Variants in NOS1AP observed in about 807,000 individuals in gnomAD.
NOS1AP encodes the protein nitric oxide synthase 1 adaptor protein, also known as carboxyl-terminal PDZ ligand of neuronal nitric oxide synthase protein.
In NOS1AP, 21 loss-of-function variants were observed where a neutral mutation model predicts 56.2. The observed-to-expected ratio is 0.37, with a 90% CI of 0.26 to 0.54. The LOEUF is 0.54. Ranked by LOEUF, NOS1AP falls within the 20% of genes least tolerant of loss-of-function variation. The pLI, the probability that NOS1AP is intolerant of heterozygous loss-of-function variation, is 0.84. For synonymous variants in NOS1AP, 270 were observed against 274.6 expected, an observed-to-expected ratio of 0.98 and a Z score of 0.17; for missense variants, 522 against 657.8, an observed-to-expected ratio of 0.79 and a Z score of 2.26.
In NOS1AP at chr1:162,138,069, A is replaced by G. The variant is rs796232157; in HGVS notation, c.106-16336A>G. ...CATTGACACCTTTTTTTAAAAATGC[A>G]TAATCTGTTGATTTGGTAAATAACT... On this transcript the variant is annotated intron_variant, in intron 1 of 9. Transcript: ENST00000361897. Among the ~76,000 whole-genome samples, 13 of 152,358 alleles carry G rather than the reference A, an allele frequency of 8.5e-5. No homozygotes were observed. In the South Asian group the frequency reaches 1.0e-3, roughly 12 times the overall value.
intron 2 of NOS1AP, among the ~76,000 whole-genome samples, chr1:162,278,289 G>A (rs529181343): frequency 6.6e-6 from 1 of 152,236 alleles, no homozygotes; most frequent in East Asian, 1.9e-4. Flanking sequence ...CCAATACCCT[G>A]GCTTCACAGA....
chr1:162,191,108 G>A (rs976871400), intron 2 of NOS1AP, among the ~76,000 whole-genome samples: 2 of 152,116 alleles, frequency 1.3e-5, no homozygotes, highest in African/African-American at 4.8e-5. Flanking sequence ...GTCCACCACC[G>A]TCTAACACCC....
chr1:162,299,069 G>C (rs1655559643), intron 3 of NOS1AP, among the ~76,000 whole-genome samples: 1 of 152,178 alleles, frequency 6.6e-6, no homozygotes, highest in African/African-American at 2.4e-5. Context: ...ATATTTTGCT[G>C]TTTGAAGGAC....
intron 2 of NOS1AP, among the ~76,000 whole-genome samples, chr1:162,281,470 A>G (rs1011725200): frequency 6.6e-6 from 1 of 152,178 alleles, no homozygotes; most frequent in African/African-American, 2.4e-5. Flanking sequence ...TAATCAACCA[A>G]TCAACAGTGA....
chr1:162,294,047 C>T, intron 3 of NOS1AP, among the ~76,000 whole-genome samples: 1 of 151,992 alleles, frequency 6.6e-6, no homozygotes, highest in East Asian at 1.9e-4. Flanking sequence ...AAGCAGATGC[C>T]AAGACAGTGT....
intron 1 of NOS1AP, among the ~76,000 whole-genome samples, chr1:162,132,808 T>A (rs1359891001): frequency 6.6e-6 from 1 of 152,204 alleles, no homozygotes; most frequent in African/African-American, 2.4e-5. Flanking sequence ...CTCCTTCAGT[T>A]TTCCCCAGTT....
At chr1:162,162,897 T>C (rs1373162305) in intron 2 of NOS1AP, among the ~76,000 whole-genome samples, 2 of 152,072 alleles carry the variant, frequency 1.3e-5, no homozygotes, top group Non-Finnish European at 2.9e-5. Context: ...CCACAATCAA[T>C]TTTCAAACAT....
chr1:162,097,207 C>G (rs142207039), intron 1 of NOS1AP, among the ~76,000 whole-genome samples: 37 of 151,400 alleles, frequency 2.4e-4, no homozygotes, highest in Non-Finnish European at 5.3e-4. Context: ...GTTTTTCCCT[C>G]TTATGCGATT....
At chr1:162,338,186 C>A (rs951499596) in intron 5 of NOS1AP, among the ~76,000 whole-genome samples, 2 of 152,086 alleles carry the variant, frequency 1.3e-5, no homozygotes, top group East Asian at 3.9e-4. Context: ...TCATGGACTT[C>A]AGTTCTCTAA....
At chr1:162,324,865 G>A (rs557138244) in intron 4 of NOS1AP, among the ~76,000 whole-genome samples, 1 of 152,250 alleles carries the variant, frequency 6.6e-6, no homozygotes, top group South Asian at 2.1e-4. Flanking sequence ...GTCTCTCCCA[G>A]CCCTGGAATC....
chr1:162,284,910 C>T (rs74125817), intron 2 of NOS1AP, among the ~76,000 whole-genome samples: 1,563 of 152,274 alleles, frequency 0.01, 20 homozygotes, highest in African/African-American at 0.036. Flanking sequence ...CTACAACATT[C>T]TTCCAGAAAT....
chr1:162,297,409 G>A (rs1655499842), intron 3 of NOS1AP, among the ~76,000 whole-genome samples: 1 of 152,226 alleles, frequency 6.6e-6, no homozygotes, highest in Admixed American at 6.5e-5. Flanking sequence ...ATGCTGAGGT[G>A]GGCCCTGGCC....
At chr1:162,351,947 G>T (rs1657511149) in intron 6 of NOS1AP, among the ~76,000 whole-genome samples, 1 of 152,150 alleles carries the variant, frequency 6.6e-6, no homozygotes, top group African/African-American at 2.4e-5. Flanking sequence ...TCTCTGTAGT[G>T]CTCAGCCCCG....
intron 2 of NOS1AP, among the ~76,000 whole-genome samples, chr1:162,168,946 C>T (rs1202144931): frequency 6.6e-6 from 1 of 152,214 alleles, no homozygotes; most frequent in Non-Finnish European, 1.5e-5. Context: ...GTTGGGTTGG[C>T]TCTGCCTGGC....
intron 6 of NOS1AP, among the ~76,000 whole-genome samples, chr1:162,353,863 G>A (rs1396678991): frequency 1.3e-5 from 2 of 152,200 alleles, no homozygotes; most frequent in Non-Finnish European, 2.9e-5. Flanking sequence ...GGTGCAGGCT[G>A]TGGTAGAAAG....
rs1463885272 is a variant in NOS1AP at position 162,367,295 on chromosome 1, G to A, written c.1349G>A (p.Gly450Asp). The A allele has an allele frequency of 7.4e-6, 12 of 1,613,306 alleles. No individual in the cohort carries two copies. Among genetic ancestry groups the A allele is most frequent in the Non-Finnish European group, 1.0e-5 (12 of 1,179,944 alleles). ...PPPAQGEALL[G>D]GLELIKFRES... ...CCAGCGCAGGGCGAGGCGCTCCTGG[G>A]CGGTCTGGAGCTCATCAAGTTCCGA... The change falls in exon 10 of 10, where the codon GGC becomes GAC. Residue 450 changes from glycine to aspartate, a missense_variant. Transcript: ENST00000361897. The surrounding 1 kb of genome is among the most constrained non-coding windows in gnomAD (Gnocchi z 6.5).
intron 2 of NOS1AP, among the ~76,000 whole-genome samples, chr1:162,212,549 C>A (rs981569982): frequency 1.4e-4 from 22 of 152,114 alleles, no homozygotes; most frequent in African/African-American, 5.3e-4. Context: ...ACCCCGCTGC[C>A]CACCCCAGTC....
chr1:162,077,905 T>G (rs1691805365), intron 1 of NOS1AP, among the ~76,000 whole-genome samples: 1 of 152,180 alleles, frequency 6.6e-6, no homozygotes, highest in African/African-American at 2.4e-5. Flanking sequence ...CCCTGGCCAC[T>G]TCCTTCCAAC....
intron 2 of NOS1AP, among the ~76,000 whole-genome samples, chr1:162,164,667 G>C (rs6427655): frequency 0.98 from 149,508 of 152,346 alleles, 73,419 homozygotes; most frequent in East Asian, 1. Context: ...TAAGGTACAT[G>C]CATGCTGTGG....
Sources: gnomAD v4.1 joint callset for allele counts (sites outside exome capture counted in the v4.1 genomes callset) on GRCh38, gnomAD v4.1.1 for gene constraint, Gnocchi (gnomAD v3.1) non-coding constraint, MANE v1.5 for transcripts, NCBI Gene and HGNC (gene_info 2026-07-23, HGNC 2026-07-21) for gene names.